The following BRINP2 variants were observed in gnomAD, a reference collection of about 807,000 sequenced individuals.
BRINP2 encodes the protein BMP/retinoic acid-inducible neural-specific protein 2.
In BRINP2, 21 loss-of-function variants were observed where a neutral mutation model predicts 69.2. The observed-to-expected ratio is 0.30, with a 90% CI of 0.22 to 0.44. The LOEUF (loss-of-function observed/expected upper bound fraction) is 0.44, where lower values mean the gene tolerates loss of function less well. Among genes scored for constraint, BRINP2 ranks in the 20% least tolerant of loss-of-function variants. The probability of loss-of-function intolerance (pLI) is 1.00; values close to 1 mark genes in which losing one functional copy is unlikely to be tolerated. For missense variants in BRINP2, 877 were observed against 986.0 expected, an observed-to-expected ratio of 0.89 and a Z score of 1.48; for synonymous variants, 380 against 394.1, an observed-to-expected ratio of 0.96 and a Z score of 0.42.
At chr1:177,208,938 G>A (rs549597530) in intron 1 of BRINP2, among the ~76,000 whole-genome samples, 61 of 152,296 alleles carry the variant, frequency 4.0e-4, no homozygotes, top group Non-Finnish European at 7.9e-4. Flanking sequence ...TCTTTTGTTT[G>A]CCTCTTGGGT....
At chr1:177,239,725 C>T (rs1650137092) in intron 2 of BRINP2, among the ~76,000 whole-genome samples, 1 of 152,178 alleles carries the variant, frequency 6.6e-6, no homozygotes, top group South Asian at 2.1e-4. Context: ...ATTCACAGCA[C>T]ACTAGGCACT....
chr1:177,262,540 G>C (rs972634575), intron 4 of BRINP2, among the ~76,000 whole-genome samples: 17 of 151,770 alleles, frequency 1.1e-4, no homozygotes, highest in Non-Finnish European at 1.5e-4. Flanking sequence ...CATAGAGAGG[G>C]AGAAAGTGAT....
At chr1:177,242,467 T>C (rs963197998) in intron 2 of BRINP2, among the ~76,000 whole-genome samples, 1 of 152,160 alleles carries the variant, frequency 6.6e-6, no homozygotes, top group Non-Finnish European at 1.5e-5. Flanking sequence ...GCCCCCTTGA[T>C]GTCCTGTGTC....
intron 4 of BRINP2, among the ~76,000 whole-genome samples, chr1:177,266,806 T>C (rs1355921564): frequency 6.6e-6 from 1 of 151,428 alleles, no homozygotes; most frequent in Non-Finnish European, 1.5e-5. Context: ...GTTACTCTTT[T>C]GTGAAGCCTT....
chr1:177,189,377 T>C (rs1367372277), intron 1 of BRINP2, among the ~76,000 whole-genome samples: 2 of 132,166 alleles, frequency 1.5e-5, no homozygotes, highest in African/African-American at 5.9e-5. Flanking sequence ...CCTCCCAGAA[T>C]AGGGTTCAGG....
chr1:177,249,951 A>G (rs1650528651), intron 2 of BRINP2, among the ~76,000 whole-genome samples: 1 of 152,242 alleles, frequency 6.6e-6, no homozygotes, highest in African/African-American at 2.4e-5. Flanking sequence ...TAGAAGAGAA[A>G]ACCACTGGGA....
chr1:177,261,882 C>A (rs1650966234), intron 4 of BRINP2, among the ~76,000 whole-genome samples: 1 of 152,148 alleles, frequency 6.6e-6, no homozygotes, highest in African/African-American at 2.4e-5. Flanking sequence ...GCTCACAAAG[C>A]CACGTGAAGA....
chr1:177,268,939 C>T (rs762426625), intron 4 of BRINP2, among the ~76,000 whole-genome samples: 1 of 152,210 alleles, frequency 6.6e-6, no homozygotes, highest in Non-Finnish European at 1.5e-5. Flanking sequence ...CTATTTCTGT[C>T]ATCCACGATG....
intron 2 of BRINP2, among the ~76,000 whole-genome samples, chr1:177,253,715 T>G (rs1265987472): frequency 6.6e-6 from 1 of 152,172 alleles, no homozygotes. Context: ...TTTTTGTACA[T>G]GGTGAAAGAT....
chr1:177,275,229 T>G (rs1397415431), intron 5 of BRINP2: 7 of 456,070 alleles, frequency 1.5e-5, no homozygotes, highest in Non-Finnish European at 3.1e-5. Context: ...CAACTAGGAG[T>G]ATGTTCTGCT....
chr1:177,273,457 TA>T (rs758525985), intron 4 of BRINP2, 30 bp from the exon 5 acceptor site: 13 of 1,504,748 alleles, frequency 8.6e-6, no homozygotes, highest in Non-Finnish European at 1.2e-5. Flanking sequence ...ACTTGTTATC[TA>T]AACCCACTCC....
chr1:177,209,221 A>G (rs186728869), intron 1 of BRINP2, among the ~76,000 whole-genome samples: 6 of 152,252 alleles, frequency 3.9e-5, no homozygotes, highest in Non-Finnish European at 7.4e-5. Context: ...ATTTAAAAAA[A>G]AAAAAGAAAA....
intron 1 of BRINP2, among the ~76,000 whole-genome samples, chr1:177,177,151 C>G (rs1410354007): frequency 6.6e-6 from 1 of 151,902 alleles, no homozygotes; most frequent in Admixed American, 6.6e-5. Flanking sequence ...CGTGGTGGTG[C>G]AAGTCTGTAA....
chr1:177,246,856 T>A (rs918990018), intron 2 of BRINP2, among the ~76,000 whole-genome samples: 2 of 152,254 alleles, frequency 1.3e-5, no homozygotes, highest in Non-Finnish European at 2.9e-5. Flanking sequence ...AATAGCCAAG[T>A]ACATTACAGT....
intron 2 of BRINP2, among the ~76,000 whole-genome samples, chr1:177,235,224 T>C (rs1387136285): frequency 2.0e-5 from 3 of 152,124 alleles, no homozygotes; most frequent in African/African-American, 7.2e-5. Flanking sequence ...GTGAACAAGA[T>C]GGCATCAGAG....
chr1:177,182,069 A>G (rs1283042208), intron 1 of BRINP2, among the ~76,000 whole-genome samples: 1 of 152,006 alleles, frequency 6.6e-6, no homozygotes, highest in Non-Finnish European at 1.5e-5. Context: ...TGCAGAAGCA[A>G]TCCTGTCTGG....
rs12035003 is a variant in BRINP2 at position 177,275,013 on chromosome 1, G to A, written c.776-1185G>A. On this transcript the variant is annotated intron_variant, in intron 5 of 7. Transcript: ENST00000361539. The stretch of plus-strand genomic sequence containing the variant: ...TCAAGGGCCTAAAAATAAAGAGCTG[G>A]CAGACGTTTGAGGAAAGAGGAGCTC... 6.1e-4 allele frequency: 258 copies of A among 422,526 alleles called. 1 individual carries two copies. The East Asian group carries it at 0.017, about 28-fold the overall frequency. The allele number at this position is 422,526 out of a possible 1,614,324, so 26.2% of individuals were successfully genotyped here. A position where few individuals can be genotyped will look rare whatever the true frequency, so the allele number is the denominator to read the frequency against.
At chr1:177,220,392 C>T (rs1649490798) in intron 1 of BRINP2, among the ~76,000 whole-genome samples, 1 of 152,164 alleles carries the variant, frequency 6.6e-6, no homozygotes, top group Non-Finnish European at 1.5e-5. Flanking sequence ...TGAGCTCTCA[C>T]TCTGAGTTCA....
At chr1:177,231,719 G>C (rs1462985303) in intron 2 of BRINP2, among the ~76,000 whole-genome samples, 2 of 152,240 alleles carry the variant, frequency 1.3e-5, no homozygotes, top group African/African-American at 4.8e-5. Flanking sequence ...CACACTCCCT[G>C]CTTTGGTGAC....
Sources: allele counts gnomAD v4.1 joint callset (sites outside exome capture counted in the v4.1 genomes callset), GRCh38; gene constraint gnomAD v4.1.1; transcripts MANE v1.5; gene names NCBI Gene and HGNC (gene_info 2026-07-23, HGNC 2026-07-21).